SLC35F1: variants seen among roughly 807,000 people sequenced by gnomAD.
SLC35F1 encodes solute carrier family 35 member F1, also known as chromosome 6 open reading frame 169.
SLC35F1 carries 14 observed loss-of-function variants against 48.7 expected under a neutral mutation model. The observed-to-expected ratio is 0.29, with a 90% confidence interval of 0.19 to 0.45. The LOEUF (loss-of-function observed/expected upper bound fraction) is 0.45, where lower values mean the gene tolerates loss of function less well. Ranked by LOEUF, SLC35F1 falls within the 20% of genes least tolerant of loss-of-function variation. SLC35F1 has a pLI of 1.00. For synonymous variants in SLC35F1, 190 were observed against 202.2 expected (o/e 0.94, Z 0.51); for missense variants, 404 against 500.0 (o/e 0.81, Z 1.83).
intron 4 of SLC35F1, among the ~76,000 whole-genome samples, chr6:118,272,435 A>T (rs547187977): frequency 3.9e-5 from 6 of 152,194 alleles, no homozygotes; most frequent in African/African-American, 1.4e-4. Flanking sequence ...TAAATGACAG[A>T]TGTTCTAGCA....
chr6:118,193,954 T>C (rs1391480350), intron 2 of SLC35F1, among the ~76,000 whole-genome samples: 3 of 152,240 alleles, frequency 2.0e-5, no homozygotes, highest in Non-Finnish European at 4.4e-5. Context: ...TCTCAAAGAT[T>C]ACAAAAGTCA....
chr6:118,185,520 T>C (rs751235359), intron 2 of SLC35F1, among the ~76,000 whole-genome samples: 10 of 152,166 alleles, frequency 6.6e-5, no homozygotes, highest in Non-Finnish European at 1.3e-4. Flanking sequence ...CAAACAGTGT[T>C]AAGTTGCTCT....
intron 1 of SLC35F1, among the ~76,000 whole-genome samples, chr6:118,001,957 G>A (rs2114868211): frequency 6.8e-6 from 1 of 147,364 alleles, no homozygotes; most frequent in African/African-American, 2.5e-5. Context: ...AACAACAGGT[G>A]CTGGAGAGGA....
intron 1 of SLC35F1, among the ~76,000 whole-genome samples, chr6:118,066,075 A>G (rs1772609601): frequency 6.6e-6 from 1 of 152,234 alleles, no homozygotes; most frequent in South Asian, 2.1e-4. Flanking sequence ...CTGGAGCTCC[A>G]GAATGTGCAC....
chr6:118,122,408 G>C (rs1773564353), intron 1 of SLC35F1, among the ~76,000 whole-genome samples: 1 of 152,160 alleles, frequency 6.6e-6, no homozygotes, highest in Non-Finnish European at 1.5e-5. Flanking sequence ...ACCAAGCAAA[G>C]CTGCTCATTA....
intron 3 of SLC35F1, among the ~76,000 whole-genome samples, chr6:118,244,688 A>G (rs748331197): frequency 2.0e-5 from 3 of 152,198 alleles, no homozygotes; most frequent in African/African-American, 7.2e-5. Flanking sequence ...TTTCTACTCT[A>G]TATGATAATT....
At chr6:118,057,599 T>C (rs1460504618) in intron 1 of SLC35F1, among the ~76,000 whole-genome samples, 5 of 152,214 alleles carry the variant, frequency 3.3e-5, no homozygotes, top group Non-Finnish European at 7.3e-5. Flanking sequence ...ATTGTCTTAG[T>C]CTTTGGCCTT....
At chr6:118,113,891 C>T (rs1310883800) in intron 1 of SLC35F1, among the ~76,000 whole-genome samples, 2 of 152,020 alleles carry the variant, frequency 1.3e-5, no homozygotes, top group East Asian at 1.9e-4. Flanking sequence ...TATTCTATGC[C>T]GAAGCTGTTA....
intron 1 of SLC35F1, among the ~76,000 whole-genome samples, chr6:117,923,659 G>GTA (rs372227532): frequency 0.013 from 376 of 28,830 alleles, 72 homozygotes; most frequent in South Asian, 0.028. Flanking sequence ...ATGTACATAT[G>GTA]TATATATACA....
chr6:118,163,020 C>G (rs1484150527), intron 2 of SLC35F1, among the ~76,000 whole-genome samples: 2 of 149,246 alleles, frequency 1.3e-5, no homozygotes, highest in African/African-American at 5.0e-5. Flanking sequence ...TGCAGTGGTG[C>G]GATCTCGAGA....
chr6:117,908,341 TCCGCC>T (rs758712207), intron 1 of SLC35F1, among the ~76,000 whole-genome samples: 10 of 152,240 alleles, frequency 6.6e-5, no homozygotes, highest in Non-Finnish European at 1.2e-4. Context: ...CGTGCTGTCC[TCCGCC>T]CCGCCCCGCC....
At position 118,102,701 on chromosome 6, in the gene SLC35F1, A is replaced by G. The variant is rs79220960; in HGVS notation, c.174-51744A>G. ...AAGCTCATCCGTGGGCTTTGAGGCT[A>G]AATTCCTCCTCTCCTCCCTGAGTTC... On this transcript the variant is annotated intron_variant, in intron 1 of 7. Coordinates refer to ENST00000360388, the MANE Select transcript of SLC35F1 (RefSeq NM_001029858.4). Among the ~76,000 whole-genome samples the G allele has an allele frequency of 1.7e-3, 262 of 152,318 alleles. 3 individuals are homozygous for G. In the East Asian group the frequency reaches 0.037, roughly 21 times the overall value.
rs150067848 is a variant in SLC35F1 at position 118,220,646 on chromosome 6, G to A, written c.350-14863G>A. 5.9e-5 allele frequency among the ~76,000 whole-genome samples: 9 copies of A among 152,292 alleles called. No individual in the cohort carries two copies. The East Asian group carries it at 1.7e-3, about 29-fold the overall frequency. ...CAGACCTACTGAGTGAAAATGTCTG[G>A]GGTGGAGCCCAGAAAGCAACAGCTT... On this transcript the variant is annotated intron_variant, in intron 2 of 7. Transcript: ENST00000360388.
At chr6:118,119,791 T>C (rs1773529664) in intron 1 of SLC35F1, among the ~76,000 whole-genome samples, 2 of 152,104 alleles carry the variant, frequency 1.3e-5, no homozygotes, top group South Asian at 2.1e-4. Flanking sequence ...AAACTGAGTA[T>C]ACAACAGATG....
intron 1 of SLC35F1, among the ~76,000 whole-genome samples, chr6:117,984,132 C>G (rs1332818930): frequency 1.3e-5 from 2 of 152,062 alleles, no homozygotes; most frequent in Non-Finnish European, 2.9e-5. Context: ...TAACCTCTAT[C>G]TTCAGTTACT....
intron 2 of SLC35F1, among the ~76,000 whole-genome samples, chr6:118,183,229 T>C (rs1774608666): frequency 6.6e-6 from 1 of 152,196 alleles, no homozygotes; most frequent in Non-Finnish European, 1.5e-5. Context: ...TTGGCATGTT[T>C]ATATTTCATG....
intron 6 of SLC35F1, among the ~76,000 whole-genome samples, chr6:118,279,718 C>CA (rs1775959220): frequency 6.6e-6 from 1 of 152,218 alleles, no homozygotes; most frequent in Non-Finnish European, 1.5e-5. Flanking sequence ...ACCCACCCCA[C>CA]ACTCCTTGAG....
At chr6:118,266,745 C>T (rs558821206) in intron 3 of SLC35F1, among the ~76,000 whole-genome samples, 1 of 152,268 alleles carries the variant, frequency 6.6e-6, no homozygotes, top group East Asian at 1.9e-4. Flanking sequence ...CACCACCAGC[C>T]TGTCTTATCA....
intron 1 of SLC35F1, among the ~76,000 whole-genome samples, chr6:117,924,148 T>C (rs111218589): frequency 0.081 from 7,468 of 92,444 alleles, 683 homozygotes; most frequent in African/African-American, 0.13. Context: ...TATGTATATA[T>C]ACACACATAG....
Sources: allele counts gnomAD v4.1 joint callset (sites outside exome capture counted in the v4.1 genomes callset), GRCh38; gene constraint gnomAD v4.1.1; transcripts MANE v1.5; gene names NCBI Gene and HGNC (gene_info 2026-07-23, HGNC 2026-07-21).